Variants in VGLL4 observed in about 807,000 individuals in gnomAD.
VGLL4 encodes vestigial like family member 4, also known as transcription cofactor vestigial-like protein 4.
A neutral mutation model predicts 21.0 loss-of-function variants in VGLL4; 7 were observed. The ratio of observed to expected loss-of-function variants is 0.33; its 90% CI spans 0.19 to 0.63. VGLL4 has a LOEUF of 0.63. Ranked by LOEUF, VGLL4 falls within the 20% of genes least tolerant of loss-of-function variation. VGLL4 has a pLI of 0.78. For synonymous variants in VGLL4, 222 were observed against 173.2 expected (o/e 1.28, Z -2.21); for missense variants, 394 against 425.7 (o/e 0.93, Z 0.66).
At position 11,558,447 on chromosome 3, in the gene VGLL4, C is replaced by CT; in HGVS notation, c.*108dup. 1 of 1,409,936 alleles carries CT rather than the reference C, an allele frequency of 7.1e-7. No homozygotes were observed. The highest frequency in any genetic ancestry group is 1.4e-5 in the South Asian group (1 of 71,368). 87.3% of individuals were successfully genotyped at this position (1,409,936 alleles called of 1,614,324 possible). ...CATGGTTTTTGCAAATAAACCATCC[C>CT]TTCCCTTCCCCCCACCCCACCCCCA... On this transcript the variant is annotated 3_prime_UTR_variant, in exon 5 of 5. Transcript: ENST00000430365.
At chr3:11,582,315 A>G in intron 2 of VGLL4, 1 of 1,598,926 alleles carries the variant, frequency 6.3e-7, no homozygotes, top group African/African-American at 1.3e-5. Flanking sequence ...AAGAGCATGA[A>G]GACAGCCCAG....
rs2076474791 is a variant in VGLL4 at position 11,687,904 on chromosome 3, C to T, written c.64+15067G>A. ...CTTGCTCCTAACTTAATCTGTTCCACCATTAAACATATTCATTGTAAGTTT... is the reference window on the plus strand; with the variant it reads ...CTTGCTCCTAACTTAATCTGTTCCATCATTAAACATATTCATTGTAAGTTT... On this transcript the variant is annotated intron_variant, in intron 2 of 5. Transcript: ENST00000273038. 2.0e-5 allele frequency among the ~76,000 whole-genome samples: 3 copies of T among 152,060 alleles called. No individual in the cohort carries two copies. In the South Asian group the frequency reaches 6.2e-4, roughly 32 times the overall value.
At chr3:11,679,110 G>A (rs1452976224) in intron 2 of VGLL4, among the ~76,000 whole-genome samples, 2 of 152,008 alleles carry the variant, frequency 1.3e-5, no homozygotes, top group African/African-American at 4.8e-5. Context: ...ACTCCTTTAG[G>A]GTACACTCCT....
intron 2 of VGLL4, among the ~76,000 whole-genome samples, chr3:11,691,615 G>A (rs979417986): frequency 2.6e-5 from 4 of 152,052 alleles, no homozygotes; most frequent in East Asian, 1.9e-4. Flanking sequence ...CAGGAGTTAC[G>A]GGCCTTCCGT....
intron 2 of VGLL4, among the ~76,000 whole-genome samples, chr3:11,595,838 GTGTGGGGGGGGC>G (rs2074624274): frequency 5.0e-5 from 1 of 19,942 alleles, no homozygotes; most frequent in Non-Finnish European, 1.3e-4. Flanking sequence ...GACTGTTGTG[GTGTGGGGGGGGC>G]GGGGAATAGC....
chr3:11,672,350 A>C (rs1304280444), intron 2 of VGLL4, among the ~76,000 whole-genome samples: 6 of 147,018 alleles, frequency 4.1e-5, no homozygotes. Context: ...AAATAGCTCA[A>C]GAAGAACGCA....
chr3:11,599,811 T>C (rs2074745974), intron 2 of VGLL4, among the ~76,000 whole-genome samples: 1 of 151,234 alleles, frequency 6.6e-6, no homozygotes, highest in African/African-American at 2.4e-5. Context: ...TGTGAGCCAC[T>C]GCGCCTAGCC....
chr3:11,692,947 T>A (rs559040999), intron 2 of VGLL4: 1 of 153,632 alleles, frequency 6.5e-6, no homozygotes, highest in African/African-American at 2.4e-5. Context: ...GACAGCGGAG[T>A]TGCTTGAGCA....
intron 2 of VGLL4, among the ~76,000 whole-genome samples, chr3:11,658,606 C>G (rs1321158150): frequency 8.2e-6 from 1 of 121,650 alleles, no homozygotes; most frequent in East Asian, 2.6e-4. Context: ...AGGAAGGACA[C>G]AGAGGAAACA....
chr3:11,617,095 AAAG>A (rs750517524), intron 1 of VGLL4, among the ~76,000 whole-genome samples: 39 of 152,326 alleles, frequency 2.6e-4, no homozygotes, highest in Non-Finnish European at 4.3e-4. Context: ...TTTTTTAAAA[AAAG>A]AGAGCGATGC....
chr3:11,709,063 A>T (rs1394848841), intron 1 of VGLL4, among the ~76,000 whole-genome samples: 2 of 151,752 alleles, frequency 1.3e-5, no homozygotes, highest in South Asian at 2.1e-4. Context: ...TCCATCTCAA[A>T]AATAATAATA....
intron 2 of VGLL4, among the ~76,000 whole-genome samples, chr3:11,668,469 A>G (rs2076158745): frequency 6.6e-6 from 1 of 152,140 alleles, no homozygotes; most frequent in Admixed American, 6.5e-5. Flanking sequence ...CAAACTAACG[A>G]GCCCTATCCC....
At chr3:11,652,595 A>G (rs1575496941) in intron 2 of VGLL4, among the ~76,000 whole-genome samples, 1 of 152,162 alleles carries the variant, frequency 6.6e-6, no homozygotes, top group Non-Finnish European at 1.5e-5. Flanking sequence ...TAATTTTTGT[A>G]TTTTTATTAG....
intron 2 of VGLL4, chr3:11,671,207 T>C (rs772721150): frequency 1.9e-6 from 3 of 1,547,554 alleles, no homozygotes; most frequent in Non-Finnish European, 2.6e-6. Flanking sequence ...AATTAATTAA[T>C]TTCAATTAAG....
chr3:11,604,344 G>A (rs1392507679), intron 1 of VGLL4: 1 of 924,126 alleles, frequency 1.1e-6, no homozygotes. Flanking sequence ...CCAGTTAACA[G>A]GTTAGCTGGA....
At chr3:11,606,761 T>C (rs1444355171) in intron 1 of VGLL4, among the ~76,000 whole-genome samples, 2 of 152,074 alleles carry the variant, frequency 1.3e-5, no homozygotes, top group African/African-American at 2.4e-5. Context: ...GAGCAGGACA[T>C]AGGCAGGGAC....
chr3:11,602,509 G>A (rs1393850198), intron 1 of VGLL4, among the ~76,000 whole-genome samples: 5 of 151,656 alleles, frequency 3.3e-5, no homozygotes, highest in Non-Finnish European at 7.4e-5. Context: ...GAAAGTGTGT[G>A]GGCTAACAGT....
At chr3:11,689,031 G>A (rs1356116198) in intron 2 of VGLL4, among the ~76,000 whole-genome samples, 1 of 151,640 alleles carries the variant, frequency 6.6e-6, no homozygotes, top group Non-Finnish European at 1.5e-5. Flanking sequence ...AAAAAAAAAA[G>A]AGAGAGAGAG....
intron 2 of VGLL4, among the ~76,000 whole-genome samples, chr3:11,696,556 C>T (rs1331429192): frequency 3.9e-5 from 6 of 152,206 alleles, no homozygotes; most frequent in Admixed American, 6.5e-5. Flanking sequence ...TAAAGTTTAT[C>T]ACACGAAGGA....
Sources: allele counts gnomAD v4.1 joint callset (sites outside exome capture counted in the v4.1 genomes callset), GRCh38; gene constraint gnomAD v4.1.1; transcripts MANE v1.5; gene names NCBI Gene and HGNC (gene_info 2026-07-23, HGNC 2026-07-21).